JAK2: variants seen among roughly 807,000 people sequenced by gnomAD.
The protein encoded by JAK2 is Janus kinase 2, also known as tyrosine-protein kinase JAK2.
JAK2 carries 86 observed loss-of-function variants against 139.3 expected under a neutral mutation model. That is an observed-to-expected ratio of 0.62 (90% CI 0.52 to 0.74). The LOEUF (loss-of-function observed/expected upper bound fraction) is 0.74, where lower values mean the gene tolerates loss of function less well. JAK2 is among the 30% of genes least tolerant of loss of function. JAK2 has a pLI of 0.00. For synonymous variants in JAK2, 490 were observed against 437.7 expected (o/e 1.12, Z -1.49); for missense variants, 1,421 against 1,360.3 (o/e 1.04, Z -0.70).
At chr9:5,023,384 G>T (rs1268749503) in intron 3 of JAK2, among the ~76,000 whole-genome samples, 3 of 152,114 alleles carry the variant, frequency 2.0e-5, no homozygotes, top group East Asian at 1.9e-4. Context: ...TACGCATTCT[G>T]TTGTGAGCTG....
chr9:5,126,052 C>A (rs1823973553), intron 23 of JAK2: 1 of 234,484 alleles, frequency 4.3e-6, no homozygotes, highest in South Asian at 1.7e-4. Flanking sequence ...AGTTTTTTAA[C>A]AACAAAAAAC....
At chr9:5,014,001 T>G (rs1028422695) in intron 2 of JAK2, among the ~76,000 whole-genome samples, 3 of 152,158 alleles carry the variant, frequency 2.0e-5, no homozygotes, top group African/African-American at 7.2e-5. Context: ...GCATTACTTC[T>G]TCATGTATAT....
rs781295488 is a variant in JAK2, at chr9:5,020,914, C to T, written c.-25-1049C>T. On this transcript the variant is annotated intron_variant, in intron 2 of 24. Transcript: ENST00000381652. ...GTGGGTTGGGCTTTAAAAATGGCAC[C>T]GTGCTGTAGCTGCTTAGGACTCAGG... 5.9e-5 allele frequency among the ~76,000 whole-genome samples: 9 copies of T among 152,162 alleles called. No homozygotes were observed. In the South Asian group the frequency reaches 6.2e-4, roughly 11 times the overall value.
At chr9:5,075,905 A>G (rs1045005287) in intron 14 of JAK2, among the ~76,000 whole-genome samples, 1 of 152,198 alleles carries the variant, frequency 6.6e-6, no homozygotes, top group African/African-American at 2.4e-5. Context: ...AATAGCATTC[A>G]TGGTTCATGG....
intron 2 of JAK2, among the ~76,000 whole-genome samples, chr9:4,988,251 T>C (rs1820074614): frequency 6.6e-6 from 1 of 152,182 alleles, no homozygotes; most frequent in African/African-American, 2.4e-5. Context: ...GAACTTGTGT[T>C]TTGAGTTGGT....
intron 22 of JAK2, chr9:5,112,688 A>G: frequency 1.1e-6 from 1 of 917,112 alleles, no homozygotes; most frequent in Non-Finnish European, 1.5e-6. Context: ...GGTCATCCTG[A>G]ATTTGGAGCA....
intron 22 of JAK2, among the ~76,000 whole-genome samples, chr9:5,118,551 C>T (rs1174064237): frequency 6.6e-6 from 1 of 152,124 alleles, no homozygotes; most frequent in Non-Finnish European, 1.5e-5. Context: ...GTGAATGGAA[C>T]AATCCCTCCC....
intron 22 of JAK2, among the ~76,000 whole-genome samples, chr9:5,092,045 A>G (rs1279440518): frequency 6.6e-6 from 1 of 152,146 alleles, no homozygotes; most frequent in African/African-American, 2.4e-5. Flanking sequence ...ATCATTAATA[A>G]CAATCAGAAT....
chr9:5,000,709 G>A (rs1013010656), intron 2 of JAK2, among the ~76,000 whole-genome samples: 4 of 151,922 alleles, frequency 2.6e-5, no homozygotes, highest in African/African-American at 4.8e-5. Flanking sequence ...TAATTTCTCC[G>A]GTGTCTTAAA....
At position 5,081,767 on chromosome 9, in the gene JAK2, G is replaced by C; in HGVS notation, c.2477G>C (p.Arg826Thr). 2 of 1,602,564 alleles carry C rather than the reference G, an allele frequency of 1.2e-6. No homozygotes were observed. The highest frequency in any genetic ancestry group is 1.3e-5 in the African/African-American group (1 of 74,630). Residue 826 changes from arginine to threonine, a missense_variant, in exon 19 of 25, where the codon AGG becomes ACG. By Grantham distance (71) the Arg-to-Thr change is moderately conservative. Transcript: ENST00000381652. ...GAAAATGACATGTTACCAAATATGA[G>C]GATAGGTGCCCTGGGGTTTTCTGGT... ...LTENDMLPNM[R>T]IGALGFSGAF...
intron 3 of JAK2, 78 bp downstream of exon 3, chr9:5,022,291 A>G (rs954453682): frequency 2.4e-5 from 21 of 870,124 alleles, no homozygotes; most frequent in Non-Finnish European, 1.1e-5. Flanking sequence ...AGGTACATGC[A>G]TAATATATAT....
Position 5,043,255 on chromosome 9 carries a change from G to A in JAK2, c.351-1148G>A, listed in dbSNP as rs576811252. 4.6e-5 allele frequency among the ~76,000 whole-genome samples: 7 copies of A among 152,216 alleles called. No individual in the cohort carries two copies. The East Asian group carries it at 9.6e-4, about 21-fold the overall frequency. ...CTGGTTTTTGCTTTACCAAGTGTAC[G>A]GAAATGGCGTTTACGTTTCTCTGAT... is the stretch of plus-strand genomic sequence containing the variant. On this transcript the variant is annotated intron_variant, in intron 4 of 24. Transcript: ENST00000381652.
intron 8 of JAK2, among the ~76,000 whole-genome samples, chr9:5,064,235 T>C (rs994994713): frequency 6.6e-6 from 1 of 152,102 alleles, no homozygotes; most frequent in Non-Finnish European, 1.5e-5. Context: ...TAGCAGTATG[T>C]AATTGGTATG....
chr9:5,015,797 C>G (rs1376236403), intron 2 of JAK2, among the ~76,000 whole-genome samples: 1 of 152,018 alleles, frequency 6.6e-6, no homozygotes, highest in Non-Finnish European at 1.5e-5. Context: ...TACTGAGTGC[C>G]TATGGAATTC....
chr9:4,998,835 G>A (rs1012320500), intron 2 of JAK2, among the ~76,000 whole-genome samples: 1 of 151,750 alleles, frequency 6.6e-6, no homozygotes, highest in Non-Finnish European at 1.5e-5. Context: ...AGTTTTCTCA[G>A]GAGTTCTTTT....
At chr9:5,112,236 T>C (rs1474124753) in intron 22 of JAK2, 3 of 260,804 alleles carry the variant, frequency 1.2e-5, no homozygotes, top group South Asian at 3.7e-5. Flanking sequence ...GCAGGCCTGG[T>C]TGGAGGCGAA....
At chr9:4,991,354 A>C (rs1182048553) in intron 2 of JAK2, among the ~76,000 whole-genome samples, 1 of 152,194 alleles carries the variant, frequency 6.6e-6, no homozygotes, top group Non-Finnish European at 1.5e-5. Flanking sequence ...TTGGAAACAG[A>C]GTACTCATTA....
intron 2 of JAK2, among the ~76,000 whole-genome samples, chr9:5,017,528 C>A (rs909788821): frequency 5.3e-5 from 8 of 151,932 alleles, no homozygotes; most frequent in African/African-American, 1.9e-4. Context: ...CTTCTGTTAG[C>A]TTTGGGCTTT....
At chr9:5,028,869 T>C (rs1020782776) in intron 3 of JAK2, among the ~76,000 whole-genome samples, 10 of 152,252 alleles carry the variant, frequency 6.6e-5, no homozygotes, top group South Asian at 4.1e-4. Flanking sequence ...TGAGGGAATA[T>C]TGTGGCTGGT....
Sources: gnomAD v4.1 joint callset for allele counts (sites outside exome capture counted in the v4.1 genomes callset) on GRCh38, gnomAD v4.1.1 for gene constraint, MANE v1.5 for transcripts, NCBI Gene and HGNC (gene_info 2026-07-23, HGNC 2026-07-21) for gene names.